The following LIPI variants were observed in gnomAD, a reference collection of about 807,000 sequenced individuals.
LIPI encodes the protein lipase I.
Under a neutral mutation model 50.6 loss-of-function variants are expected in LIPI, and 59 were observed. That is an observed-to-expected ratio of 1.16 (90% CI 0.94 to 1.45). LIPI has a LOEUF of 1.45. Ranked by LOEUF, LIPI falls within the 40% of genes most tolerant of loss-of-function variation. LIPI has a pLI of 0.00. For missense variants in LIPI, 586 were observed against 536.3 expected (o/e 1.09, Z -0.92); for synonymous variants, 203 against 178.2 (o/e 1.14, Z -1.11).
chr21:14,151,132 T>C (rs530365040), intron 8 of LIPI, among the ~76,000 whole-genome samples: 1 of 152,350 alleles, frequency 6.6e-6, no homozygotes, highest in East Asian at 1.9e-4. Context: ...ATTTTCGTTA[T>C]GGTGAACTTA....
At chr21:14,114,645 A>G (rs1256478941) in intron 9 of LIPI, among the ~76,000 whole-genome samples, 1 of 152,154 alleles carries the variant, frequency 6.6e-6, no homozygotes, top group Non-Finnish European at 1.5e-5. Context: ...TAAATCAAAG[A>G]GGAACTCCAG....
intron 9 of LIPI, among the ~76,000 whole-genome samples, chr21:14,136,498 G>A (rs948381873): frequency 1.3e-5 from 2 of 152,156 alleles, no homozygotes; most frequent in Admixed American, 1.3e-4. Context: ...AAAGGGGAGG[G>A]AAGAGGGGGA....
chr21:14,204,261 TC>T (rs202192697), intron 1 of LIPI, among the ~76,000 whole-genome samples: 2,031 of 151,806 alleles, frequency 0.013, 50 homozygotes, highest in African/African-American at 0.046. Context: ...TAAACTAGGT[TC>T]CTATGATTTG....
At chr21:14,135,300 A>C (rs998973987) in intron 9 of LIPI, among the ~76,000 whole-genome samples, 1 of 152,182 alleles carries the variant, frequency 6.6e-6, no homozygotes, top group African/African-American at 2.4e-5. Context: ...CAAAGACATC[A>C]AGTTAACAAG....
At chr21:14,174,050 A>G (rs2019009769) in intron 4 of LIPI, among the ~76,000 whole-genome samples, 1 of 152,218 alleles carries the variant, frequency 6.6e-6, no homozygotes, top group African/African-American at 2.4e-5. Flanking sequence ...AAATTTCCTC[A>G]TATATGAACT....
chr21:14,124,736 C>T (rs1236262465), intron 9 of LIPI, among the ~76,000 whole-genome samples: 2 of 152,176 alleles, frequency 1.3e-5, no homozygotes, highest in African/African-American at 4.8e-5. Context: ...CCAACTAAGC[C>T]AGGTGATCAT....
At chr21:14,203,064 C>A (rs138735977) in intron 1 of LIPI, among the ~76,000 whole-genome samples, 5,605 of 152,170 alleles carry the variant, frequency 0.037, 155 homozygotes, top group Middle Eastern at 0.082. Context: ...ATTTATGCAG[C>A]CAAAAGACAC....
chr21:14,123,182 C>T (rs62209376), intron 9 of LIPI, among the ~76,000 whole-genome samples: 2,542 of 152,304 alleles, frequency 0.017, 33 homozygotes, highest in Non-Finnish European at 0.025. Context: ...GAAGATACTG[C>T]ATAGCATGAT....
rs764589188 is a variant in LIPI at position 14,152,703 on chromosome 21, G to C, written c.1007-19C>G. On this transcript the variant is annotated intron_variant, in intron 7 of 9. Transcript: ENST00000681601. The stretch of plus-strand genomic sequence containing the variant: ...TAATAGGCTACAAAATAAAAATATA[G>C]AATACAACTCACATTATTTTTTAAT... The C allele has an allele frequency of 8.3e-7, 1 of 1,201,678 alleles. No homozygotes were observed. The highest frequency in any genetic ancestry group is 1.5e-5 in the African/African-American group (1 of 66,432). The allele number at this position is 1,201,678 out of a possible 1,614,324, so 74.4% of individuals were successfully genotyped here.
At chr21:14,164,894 GT>G (rs1190524463) in intron 6 of LIPI, among the ~76,000 whole-genome samples, 1 of 152,056 alleles carries the variant, frequency 6.6e-6, no homozygotes, top group Admixed American at 6.6e-5. Flanking sequence ...GACTGTGCAA[GT>G]TTCTTTCTTT....
At chr21:14,186,518 A>T (rs1056318722) in intron 2 of LIPI, among the ~76,000 whole-genome samples, 2 of 152,208 alleles carry the variant, frequency 1.3e-5, no homozygotes, top group Admixed American at 1.3e-4. Context: ...ATAATATTGG[A>T]TCAATTCCAA....
chr21:14,148,638 A>G (rs2017987110), intron 8 of LIPI, among the ~76,000 whole-genome samples: 1 of 152,204 alleles, frequency 6.6e-6, no homozygotes, highest in South Asian at 2.1e-4. Context: ...TTATAAACCT[A>G]TGCTACACTC....
At chr21:14,185,338 A>G (rs954261917) in intron 3 of LIPI, among the ~76,000 whole-genome samples, 2 of 152,176 alleles carry the variant, frequency 1.3e-5, no homozygotes, top group African/African-American at 4.8e-5. Flanking sequence ...TAGCTAATAC[A>G]TAAAGTATTT....
chr21:14,123,562 A>G (rs569034262), intron 9 of LIPI, among the ~76,000 whole-genome samples: 2 of 152,200 alleles, frequency 1.3e-5, no homozygotes, highest in African/African-American at 4.8e-5. Context: ...CAGAAGAAAC[A>G]TCTTTACTCA....
chr21:14,169,048 G>A (rs1000939816), intron 4 of LIPI, among the ~76,000 whole-genome samples: 3 of 152,052 alleles, frequency 2.0e-5, no homozygotes, highest in African/African-American at 7.3e-5. Context: ...ACAAAAAAAG[G>A]CAGGGGTTGC....
intron 9 of LIPI, among the ~76,000 whole-genome samples, chr21:14,142,745 A>C (rs1045236869): frequency 1.3e-5 from 2 of 151,784 alleles, no homozygotes; most frequent in Non-Finnish European, 2.9e-5. Flanking sequence ...TGGCCTCTGA[A>C]AATGCTGGGA....
chr21:14,145,129 C>CCCTTTAACAACTATCAT (rs869191001), intron 8 of LIPI, among the ~76,000 whole-genome samples: 4 of 13,432 alleles, frequency 3.0e-4, no homozygotes, highest in Admixed American at 1.1e-3. Context: ...GTGTTTTTTA[C>CCCTTTAACAACTATCAT]AGTTCCTTAA....
intron 9 of LIPI, among the ~76,000 whole-genome samples, chr21:14,128,340 A>G (rs894090131): frequency 6.6e-6 from 1 of 150,688 alleles, no homozygotes; most frequent in East Asian, 1.9e-4. Context: ...AGTAATAACT[A>G]AAAACAAAAG....
At chr21:14,155,758 T>A (rs2018250966) in intron 7 of LIPI, among the ~76,000 whole-genome samples, 1 of 151,976 alleles carries the variant, frequency 6.6e-6, no homozygotes, top group Non-Finnish European at 1.5e-5. Context: ...ATAGAGACAT[T>A]GTCAGACAAA....
Sources: allele counts gnomAD v4.1 joint callset (sites outside exome capture counted in the v4.1 genomes callset), GRCh38; gene constraint gnomAD v4.1.1; transcripts MANE v1.5; gene names NCBI Gene and HGNC (gene_info 2026-07-23, HGNC 2026-07-21).